The following SCAP variants were observed in gnomAD, a reference collection of about 807,000 sequenced individuals.
SCAP encodes the protein SREBF chaperone, also known as sterol regulatory element-binding protein cleavage-activating protein.
SCAP carries 65 observed loss-of-function variants against 123.6 expected under a neutral mutation model. The observed-to-expected ratio is 0.53, with a 90% CI of 0.43 to 0.65. The LOEUF is 0.65. SCAP is among the 30% of genes least tolerant of loss of function. SCAP has a pLI of 0.00. For missense variants in SCAP, 1,398 were observed against 1,712.5 expected, an observed-to-expected ratio of 0.82 and a Z score of 3.24; for synonymous variants, 740 against 726.3, an observed-to-expected ratio of 1.02 and a Z score of -0.30.
chr3:47,474,582 C>T (rs1708196258), intron 1 of SCAP, among the ~76,000 whole-genome samples: 1 of 151,954 alleles, frequency 6.6e-6, no homozygotes, highest in Non-Finnish European at 1.5e-5. Context: ...AATGCTTGAG[C>T]CCAGGAGTTA....
intron 1 of SCAP, among the ~76,000 whole-genome samples, chr3:47,469,391 T>C (rs1707952157): frequency 6.6e-6 from 1 of 152,224 alleles, no homozygotes; most frequent in Non-Finnish European, 1.5e-5. Context: ...TTTGAGAGTC[T>C]TGTTCGGTCA....
At chr3:47,458,674 T>C (rs1028744325) in intron 1 of SCAP, among the ~76,000 whole-genome samples, 4 of 152,220 alleles carry the variant, frequency 2.6e-5, no homozygotes, top group Non-Finnish European at 2.9e-5. Flanking sequence ...CTCTTTACAA[T>C]AGAACACCAA....
intron 1 of SCAP, chr3:47,469,706 T>C (rs1193784542): frequency 9.0e-6 from 3 of 331,950 alleles, no homozygotes; most frequent in South Asian, 2.6e-5. Flanking sequence ...CCTGCCACCA[T>C]GTAAGACATG....
chr3:47,413,733 T>C lies in SCAP; in HGVS notation c.*121A>G. 1 of 1,334,166 alleles carries C rather than the reference T, an allele frequency of 7.5e-7. No individual in the cohort carries two copies. The highest frequency in any genetic ancestry group is 1.4e-5 in the South Asian group (1 of 70,824). The allele number at this position is 1,334,166 out of a possible 1,614,324, so 82.6% of individuals were successfully genotyped here. On this transcript the variant is annotated 3_prime_UTR_variant, in exon 23 of 23. Coordinates refer to ENST00000265565, the MANE Select transcript of SCAP (RefSeq NM_012235.4). Reference sequence around the variant, plus strand: ...GATATGGTTTTTTAAAAAAGTTTAATATTATTACAGTCAGGAGGCAGCGGC... The same window carrying C: ...GATATGGTTTTTTAAAAAAGTTTAACATTATTACAGTCAGGAGGCAGCGGC...
At chr3:47,423,904 C>T in intron 9 of SCAP, 29 bp downstream of exon 9, 3 of 1,508,758 alleles carry the variant, frequency 2.0e-6, no homozygotes, top group African/African-American at 1.4e-5. Flanking sequence ...CCTCCTGCAG[C>T]CCTCTGCCCA....
intron 14 of SCAP, 44 bp from the exon 15 acceptor site, chr3:47,418,566 G>T: frequency 1.3e-6 from 2 of 1,556,562 alleles, no homozygotes; most frequent in Non-Finnish European, 8.7e-7. Flanking sequence ...CTCACAGCCT[G>T]TCCCCTCCCC....
intron 1 of SCAP, among the ~76,000 whole-genome samples, chr3:47,469,049 T>C (rs1707941199): frequency 1.3e-5 from 2 of 152,158 alleles, no homozygotes; most frequent in African/African-American, 4.8e-5. Context: ...ATAGTACACT[T>C]AAAAATGGTT....
At chr3:47,469,514 TG>T (rs1164786929) in intron 1 of SCAP, among the ~76,000 whole-genome samples, 1 of 152,190 alleles carries the variant, frequency 6.6e-6, no homozygotes, top group Non-Finnish European at 1.5e-5. Context: ...CGTGCCACCA[TG>T]ACCCTGCTAA....
At chr3:47,441,874 CTTTTTTTTTTT>C (rs1160447716) in intron 2 of SCAP, among the ~76,000 whole-genome samples, 6 of 76,410 alleles carry the variant, frequency 7.9e-5, no homozygotes, top group South Asian at 5.6e-4. Flanking sequence ...GTTCATCTTT[CTTTTTTTTTTT>C]TTTTTTTTTT....
At chr3:47,462,199 A>G (rs1449355803) in intron 1 of SCAP, among the ~76,000 whole-genome samples, 2 of 152,222 alleles carry the variant, frequency 1.3e-5, no homozygotes, top group African/African-American at 4.8e-5. Flanking sequence ...TTGTGCAGCC[A>G]TCACCACCAT....
chr3:47,454,350 AGAGT>A (rs912033246), intron 1 of SCAP, among the ~76,000 whole-genome samples: 5 of 151,950 alleles, frequency 3.3e-5, no homozygotes, highest in East Asian at 3.9e-4. Context: ...TCTGGGCGAA[AGAGT>A]GAGACTCCGT....
intron 1 of SCAP, among the ~76,000 whole-genome samples, chr3:47,474,264 CA>C (rs34683292): frequency 2.3e-4 from 31 of 136,970 alleles, no homozygotes; most frequent in East Asian, 2.1e-4. Context: ...GACTCCATCT[CA>C]AAAAAAAAAA....
At chr3:47,415,409 C>T (rs890557545) in intron 18 of SCAP, among the ~76,000 whole-genome samples, 1 of 152,166 alleles carries the variant, frequency 6.6e-6, no homozygotes, top group African/African-American at 2.4e-5. Flanking sequence ...GAGTACCCAC[C>T]TCACAGGGTG....
chr3:47,434,746 A>T (rs1478214668), intron 3 of SCAP: 3 of 335,550 alleles, frequency 8.9e-6, no homozygotes, highest in Non-Finnish European at 1.7e-5. Context: ...CTGAGGCAGG[A>T]GAATCACTTG....
intron 1 of SCAP, among the ~76,000 whole-genome samples, chr3:47,461,450 G>T (rs1707636956): frequency 6.6e-6 from 1 of 152,170 alleles, no homozygotes; most frequent in Non-Finnish European, 1.5e-5. Context: ...TCTTCCAAAT[G>T]TTCACAGTCA....
intron 9 of SCAP, 161 bp from the exon 10 acceptor site, chr3:47,422,697 T>C (rs1358468096): frequency 1.1e-5 from 6 of 564,130 alleles, no homozygotes; most frequent in Non-Finnish European, 1.9e-5. Context: ...GTCCTGCTAA[T>C]GCCCAGACTT....
chr3:47,427,560 G>T lies in SCAP; in HGVS notation c.518C>A (p.Ser173Tyr). Residue 173 changes from serine to tyrosine, a missense_variant, in exon 5 of 23, where the codon TCC becomes TAC. Ser to Tyr is a moderately radical substitution (Grantham distance 144). This residue lies in a region of SCAP where 319 missense variants were observed against 432.4 expected (regional missense o/e 0.74). Transcript: ENST00000265565. ...GTCATTCTGCCAGAAGTTCCCAGGG[G>T]ACAGCAGCAGGCATCCATGCTCAGG... ...LLPEHGCLLL[S>Y]PGNFWQNDWE... The T allele has an allele frequency of 6.2e-7, 1 of 1,614,182 alleles. No individual in the cohort carries two copies. The highest frequency in any genetic ancestry group is 8.5e-7 in the Non-Finnish European group (1 of 1,180,026).
Position 47,418,815 on chromosome 3 carries a change from C to A in SCAP, c.1969G>T (p.Val657Phe). Reference sequence around the variant, plus strand: ...TCCCTCGGGTTCAGGCGGAGCGTGACTGGGATGACGGGCAGCAGGCTGATG... The same window carrying A: ...TCCCTCGGGTTCAGGCGGAGCGTGAATGGGATGACGGGCAGCAGGCTGATG... The part of the protein sequence containing the change: ...RYISLLPVIP[V>F]TLRLNPREAL... Residue 657 changes from valine (V) to phenylalanine (F), a missense_variant, in exon 14 of 23, where the codon GTC (valine) becomes TTC (phenylalanine). Physicochemically the swap from Val to Phe is conservative, Grantham distance 50. This residue lies in a region of SCAP where 828 missense variants were observed against 882.5 expected (regional missense o/e 0.94). Coordinates refer to ENST00000265565, the MANE Select transcript of SCAP (RefSeq NM_012235.4). 6.5e-7 allele frequency: 1 copy of A among 1,532,490 alleles called. No individual in the cohort carries two copies. The highest frequency in any genetic ancestry group is 1.3e-5 in the South Asian group (1 of 78,238). 94.9% of individuals were successfully genotyped at this position (1,532,490 alleles called of 1,614,324 possible).
At chr3:47,422,559 A>C (rs2107798892) in intron 9 of SCAP, 23 bp from the exon 10 acceptor site, 1 of 1,578,670 alleles carries the variant, frequency 6.3e-7, no homozygotes, top group East Asian at 2.3e-5. Flanking sequence ...GCAACAGGGC[A>C]CAGGGCAACA....
Sources: gnomAD v4.1 joint callset for allele counts (sites outside exome capture counted in the v4.1 genomes callset) on GRCh38, gnomAD v4.1.1 for gene constraint, gnomAD v4.1.1 regional missense constraint, MANE v1.5 for transcripts, NCBI Gene and HGNC (gene_info 2026-07-23, HGNC 2026-07-21) for gene names.